SENP2: variants seen among roughly 807,000 people sequenced by gnomAD.
SENP2 encodes the protein sentrin-specific protease 2.
A neutral mutation model predicts 86.3 loss-of-function variants in SENP2; 16 were observed. That is an observed-to-expected ratio of 0.19 (90% CI 0.13 to 0.28). The LOEUF (loss-of-function observed/expected upper bound fraction) is 0.28, where lower values mean the gene tolerates loss of function less well. Ranked by LOEUF, SENP2 falls within the 10% of genes least tolerant of loss-of-function variation. SENP2 has a pLI of 1.00. For synonymous variants in SENP2, 222 were observed against 238.7 expected, an observed-to-expected ratio of 0.93 and a Z score of 0.64; for missense variants, 552 against 703.0, an observed-to-expected ratio of 0.79 and a Z score of 2.43.
chr3:185,629,850 C>G lies in SENP2; in HGVS notation c.*6C>G, dbSNP rs1712335679. On this transcript the variant is annotated 3_prime_UTR_variant, in exon 17 of 17. Coordinates refer to ENST00000296257, the MANE Select transcript of SENP2 (RefSeq NM_021627.3). ...TTCATCAGCAGTTGCTGTGAGAAAACTTTGCCTGGTCCCTCTAGCTGCTGG... is the reference window on the plus strand; with the variant it reads ...TTCATCAGCAGTTGCTGTGAGAAAAGTTTGCCTGGTCCCTCTAGCTGCTGG... 2 of 1,613,878 alleles carry G rather than the reference C, an allele frequency of 1.2e-6. No homozygotes were observed. The highest frequency in any genetic ancestry group is 1.7e-6 in the Non-Finnish European group (2 of 1,179,912).
At chr3:185,599,595 TG>T (rs1180999823) in intron 4 of SENP2, among the ~76,000 whole-genome samples, 1 of 151,970 alleles carries the variant, frequency 6.6e-6, no homozygotes, top group East Asian at 1.9e-4. Context: ...CTTGTAAAGT[TG>T]GGGGGGAAGG....
chr3:185,600,709 C>A, intron 4 of SENP2, 56 bp from the exon 5 acceptor site: 2 of 1,161,468 alleles, frequency 1.7e-6, no homozygotes, highest in African/African-American at 1.5e-5. Flanking sequence ...TTTCCTTATG[C>A]AGACTGTTTG....
Position 185,609,291 on chromosome 3 carries a change from A to C in SENP2, c.663A>C (p.Glu221Asp). Residue 221 changes from glutamate (E) to aspartate (D), a missense_variant, in exon 7 of 17, where the codon GAA (glutamate) becomes GAC (aspartate). Physicochemically the swap from Glu to Asp is conservative, Grantham distance 45. This residue lies in a region of SENP2 where 383 missense variants were observed against 427.3 expected (regional missense o/e 0.90). Transcript: ENST00000296257. ...GAGAGAAGTACCGAAAGTTATTGGA[A>C]CGACTTAAAGAAAGTGGTCATGGAA... ...EEREKYRKLL[E>D]RLKESGHGNS... The C allele has an allele frequency of 6.2e-7, 1 of 1,613,904 alleles. No individual in the cohort carries two copies. The highest frequency in any genetic ancestry group is 8.5e-7 in the Non-Finnish European group (1 of 1,179,872).
intron 1 of SENP2, among the ~76,000 whole-genome samples, chr3:185,588,159 G>A (rs1462076155): frequency 1.4e-5 from 2 of 142,032 alleles, no homozygotes; most frequent in East Asian, 2.1e-4. Context: ...CCAGGTTCAC[G>A]CCTTTCTCCT....
chr3:185,624,865 C>CA (rs55897322), intron 15 of SENP2, among the ~76,000 whole-genome samples: 19,102 of 107,170 alleles, frequency 0.18, 1,716 homozygotes, highest in Non-Finnish European at 0.25. Context: ...GAGACTGTCT[C>CA]AAAAAAAAAA....
chr3:185,623,598 C>A (rs768864814), intron 14 of SENP2, among the ~76,000 whole-genome samples: 1 of 151,824 alleles, frequency 6.6e-6, no homozygotes, highest in Non-Finnish European at 1.5e-5. Context: ...CTGAGGCAGG[C>A]GGGATCACAG....
chr3:185,611,866 A>C, intron 8 of SENP2, 121 bp downstream of exon 8: 286 of 754,408 alleles, frequency 3.8e-4, no homozygotes, highest in Non-Finnish European at 5.2e-4. Context: ...GTCAAATCTC[A>C]CAGCATTGGG....
At chr3:185,601,448 A>G (rs890355814) in intron 5 of SENP2, among the ~76,000 whole-genome samples, 6 of 152,194 alleles carry the variant, frequency 3.9e-5, no homozygotes, top group Non-Finnish European at 7.3e-5. Context: ...ATAATTATGC[A>G]TACAGAAAAG....
intron 2 of SENP2, among the ~76,000 whole-genome samples, chr3:185,592,898 T>C (rs1722054729): frequency 6.6e-6 from 1 of 152,214 alleles, no homozygotes; most frequent in African/African-American, 2.4e-5. Flanking sequence ...ATTACAGGCG[T>C]GAGCCACCGT....
Position 185,612,662 on chromosome 3 carries a change from C to A in SENP2, c.869+4C>A, listed in dbSNP as rs200720828. On this transcript the variant is annotated splice_donor_region_variant and intron_variant, in intron 9 of 16. Coordinates refer to ENST00000296257, the MANE Select transcript of SENP2 (RefSeq NM_021627.3). ...GTTCATTGAGAAGTGAAAAGAGGTA[C>A]GTACATTCAGTTCATTCTACACTTT... 6.3e-6 allele frequency: 10 copies of A among 1,593,222 alleles called. No individual in the cohort carries two copies. In the Admixed American group the frequency reaches 1.5e-4, roughly 24 times the overall value.
rs543387616 is a variant in SENP2 at position 185,619,004 on chromosome 3, C to T, written c.1243-295C>T. Among the ~76,000 whole-genome samples the T allele has an allele frequency of 3.7e-4, 57 of 152,300 alleles. 1 individual carries two copies. Among genetic ancestry groups the T allele is most frequent in the Non-Finnish European group, 7.1e-4 (48 of 68,028 alleles). On this transcript the variant is annotated intron_variant, in intron 12 of 16. Coordinates refer to ENST00000296257, the MANE Select transcript of SENP2 (RefSeq NM_021627.3). Reference sequence around the variant, plus strand: ...AATTCACTTACTGTTAATATTTCTGCGTATTTTTGGTGTGATACAGTTATG... The same window carrying T: ...AATTCACTTACTGTTAATATTTCTGTGTATTTTTGGTGTGATACAGTTATG...
chr3:185,619,764 G>A (rs2148993258), intron 13 of SENP2, among the ~76,000 whole-genome samples: 1 of 151,932 alleles, frequency 6.6e-6, no homozygotes, highest in African/African-American at 2.4e-5. Flanking sequence ...GTCTCGCTCT[G>A]TTGCCCAGGC....
At chr3:185,600,480 T>C (rs1296780673) in intron 4 of SENP2, among the ~76,000 whole-genome samples, 1 of 152,224 alleles carries the variant, frequency 6.6e-6, no homozygotes, top group Non-Finnish European at 1.5e-5. Context: ...TTATAATCTT[T>C]GAGTTCTTCA....
intron 6 of SENP2, chr3:185,606,815 G>A (rs1005250453): frequency 7.8e-6 from 4 of 515,218 alleles, no homozygotes; most frequent in East Asian, 4.7e-5. Flanking sequence ...GTTGCTTATC[G>A]AGGAGCAGAA....
rs58192571 is a variant in SENP2 at position 185,613,827 on chromosome 3, CAA to C, written c.933+439_933+440del. ...TAGGTGACAGAATGAGACTCTGTCT[CAA>C]AAAAAAAAAAAAAAAAAAAGGCAGG... On this transcript the variant is annotated intron_variant, in intron 10 of 16. Transcript: ENST00000296257. 4.5e-4 allele frequency among the ~76,000 whole-genome samples: 22 copies of C among 48,610 alleles called. No individual in the cohort carries two copies. The South Asian group carries it at 0.011, about 25-fold the overall frequency. The allele number at this position is 48,610 out of a possible 152,430, so 31.9% of individuals were successfully genotyped here. A position where few individuals can be genotyped will look rare whatever the true frequency, so the allele number is the denominator to read the frequency against.
At chr3:185,621,156 C>CAAAAAAAAAAAAAAAAAA (rs1206042436) in intron 13 of SENP2, among the ~76,000 whole-genome samples, 1 of 39,022 alleles carries the variant, frequency 2.6e-5, no homozygotes. Context: ...GATCTTGTCT[C>CAAAAAAAAAAAAAAAAAA]AAAAAAAAAA....
intron 2 of SENP2, among the ~76,000 whole-genome samples, chr3:185,596,515 G>A (rs1403631860): frequency 6.6e-6 from 1 of 151,878 alleles, no homozygotes; most frequent in Non-Finnish European, 1.5e-5. Flanking sequence ...CAGCTACTCA[G>A]GAGACTGAGG....
chr3:185,597,714 C>T (rs765034843), intron 2 of SENP2, among the ~76,000 whole-genome samples: 19 of 150,654 alleles, frequency 1.3e-4, no homozygotes, highest in African/African-American at 2.9e-4. Context: ...AGTGTAATGG[C>T]GCGATCTTGG....
intron 2 of SENP2, among the ~76,000 whole-genome samples, chr3:185,592,619 CT>C (rs34907174): frequency 0.38 from 53,299 of 142,116 alleles, 9,654 homozygotes; most frequent in South Asian, 0.55. Flanking sequence ...ACAGGGTCTC[CT>C]TTTTTTTTTT....
Sources: gnomAD v4.1 joint callset for allele counts (sites outside exome capture counted in the v4.1 genomes callset) on GRCh38, gnomAD v4.1.1 for gene constraint, gnomAD v4.1.1 regional missense constraint, MANE v1.5 for transcripts, NCBI Gene and HGNC (gene_info 2026-07-23, HGNC 2026-07-21) for gene names.